Variants in ADAM22 observed in about 807,000 individuals in gnomAD.
ADAM22 encodes the protein ADAM metallopeptidase domain 22, also known as disintegrin and metalloproteinase domain-containing protein 22.
A neutral mutation model predicts 144.6 loss-of-function variants in ADAM22; 65 were observed. That is an observed-to-expected ratio of 0.45 (90% CI 0.37 to 0.55). ADAM22 has a LOEUF of 0.55. Among genes scored for constraint, ADAM22 ranks in the 20% least tolerant of loss-of-function variants. The pLI is 0.00. For missense variants in ADAM22, 974 were observed against 1,184.9 expected, an observed-to-expected ratio of 0.82 and a Z score of 2.61; for synonymous variants, 391 against 412.6, an observed-to-expected ratio of 0.95 and a Z score of 0.63.
chr7:88,113,718 A>ATATT (rs1563245973), intron 5 of ADAM22, among the ~76,000 whole-genome samples: 4 of 114,104 alleles, frequency 3.5e-5, no homozygotes, highest in African/African-American at 1.4e-4. Flanking sequence ...ATATATATAT[A>ATATT]TATATATATA....
In ADAM22 at chr7:88,111,905, A is replaced by G. The variant is rs1826150431; in HGVS notation, c.474-2679A>G. The stretch of plus-strand genomic sequence containing the variant: ...CTGTTGTCTTCATATTGCCTACATG[A>G]TGTTTAAGTCCAATAAAAAAATGAC... On this transcript the variant is annotated intron_variant, in intron 5 of 31. Coordinates refer to ENST00000413139, the MANE Select transcript of ADAM22 (RefSeq NM_001324418.2). Among the ~76,000 whole-genome samples the G allele has an allele frequency of 2.0e-5, 3 of 152,348 alleles. No homozygotes were observed. In the South Asian group the frequency reaches 6.2e-4, roughly 32 times the overall value.
intron 2 of ADAM22, among the ~76,000 whole-genome samples, chr7:87,942,363 G>A (rs938988441): frequency 6.6e-6 from 1 of 152,136 alleles, no homozygotes; most frequent in African/African-American, 2.4e-5. Flanking sequence ...TGTGTGACAG[G>A]TAATACTTAT....
At chr7:88,144,822 G>A (rs1018394091) in intron 15 of ADAM22, among the ~76,000 whole-genome samples, 4 of 151,994 alleles carry the variant, frequency 2.6e-5, no homozygotes, top group African/African-American at 9.7e-5. Flanking sequence ...TGATTTTAGT[G>A]AATGGTTAGA....
At chr7:88,031,801 A>C (rs1296461935) in intron 3 of ADAM22, among the ~76,000 whole-genome samples, 1 of 152,226 alleles carries the variant, frequency 6.6e-6, no homozygotes, top group African/African-American at 2.4e-5. Context: ...ACTGCCCTGC[A>C]CAACCTCAGG....
At chr7:88,151,780 T>C (rs1838470078) in intron 20 of ADAM22, among the ~76,000 whole-genome samples, 1 of 152,194 alleles carries the variant, frequency 6.6e-6, no homozygotes, top group African/African-American at 2.4e-5. Context: ...TAAACTCTAG[T>C]TGGCTTTCCT....
intron 2 of ADAM22, among the ~76,000 whole-genome samples, chr7:87,962,230 C>T (rs1848156975): frequency 6.6e-6 from 1 of 152,186 alleles, no homozygotes; most frequent in African/African-American, 2.4e-5. Context: ...TGAAAGCAAC[C>T]TTTATTATGT....
At chr7:88,059,701 T>C (rs1315650336) in intron 3 of ADAM22, among the ~76,000 whole-genome samples, 1 of 152,212 alleles carries the variant, frequency 6.6e-6, no homozygotes, top group Non-Finnish European at 1.5e-5. Flanking sequence ...AATGAAATCA[T>C]GTCTTTTGCA....
intron 7 of ADAM22, 37 bp downstream of exon 7, chr7:88,116,851 C>T: frequency 3.4e-6 from 5 of 1,451,546 alleles, no homozygotes; most frequent in Non-Finnish European, 4.8e-6. Flanking sequence ...ATCTAAAAGA[C>T]AACTTCAGTA....
At chr7:88,109,402 G>A (rs536113489) in intron 5 of ADAM22, among the ~76,000 whole-genome samples, 4 of 152,216 alleles carry the variant, frequency 2.6e-5, no homozygotes, top group South Asian at 4.1e-4. Flanking sequence ...TAAAGCTACC[G>A]TGTCATTCCT....
intron 13 of ADAM22, among the ~76,000 whole-genome samples, chr7:88,134,830 A>C (rs1438261703): frequency 6.6e-6 from 1 of 152,096 alleles, no homozygotes; most frequent in Non-Finnish European, 1.5e-5. Flanking sequence ...AGACCTGATA[A>C]AAAGCTTAGT....
At chr7:88,127,330 A>C (rs1830654353) in intron 8 of ADAM22, among the ~76,000 whole-genome samples, 1 of 152,016 alleles carries the variant, frequency 6.6e-6, no homozygotes, top group Non-Finnish European at 1.5e-5. Context: ...ATGGACCCAT[A>C]GAGGTGAAGT....
intron 4 of ADAM22, among the ~76,000 whole-genome samples, chr7:88,087,816 T>C (rs1818814697): frequency 6.6e-6 from 1 of 152,242 alleles, no homozygotes; most frequent in Non-Finnish European, 1.5e-5. Flanking sequence ...ATTAGATTCC[T>C]AATCCTTAAC....
intron 7 of ADAM22, among the ~76,000 whole-genome samples, chr7:88,120,301 A>G (rs1828943503): frequency 6.6e-6 from 1 of 152,000 alleles, no homozygotes; most frequent in Non-Finnish European, 1.5e-5. Flanking sequence ...TACATTAGTT[A>G]TATCTCCTAA....
At chr7:88,115,915 C>T (rs1463465942) in intron 6 of ADAM22, among the ~76,000 whole-genome samples, 1 of 152,178 alleles carries the variant, frequency 6.6e-6, no homozygotes, top group Non-Finnish European at 1.5e-5. Context: ...TTATAGACTA[C>T]ACAGAAACAT....
chr7:88,160,674 A>G (rs1009091480), intron 22 of ADAM22, among the ~76,000 whole-genome samples: 2 of 152,186 alleles, frequency 1.3e-5, no homozygotes, highest in African/African-American at 4.8e-5. Flanking sequence ...ACGTATGTTT[A>G]TTGCGGCACT....
chr7:87,962,758 A>G (rs1848268861), intron 2 of ADAM22, among the ~76,000 whole-genome samples: 1 of 152,080 alleles, frequency 6.6e-6, no homozygotes, highest in Admixed American at 6.6e-5. Context: ...CGTTCTGTGC[A>G]TCTTACATGT....
At chr7:88,003,740 G>A (rs544181999) in intron 3 of ADAM22, among the ~76,000 whole-genome samples, 55 of 152,126 alleles carry the variant, frequency 3.6e-4, no homozygotes, top group Admixed American at 3.0e-3. Context: ...CTGTTGAATG[G>A]CAACTGGTAT....
Position 88,043,378 on chromosome 7 carries a change from G to A in ADAM22, c.324-32248G>A, listed in dbSNP as rs561066004. On this transcript the variant is annotated intron_variant, in intron 3 of 31. Transcript: ENST00000413139. ...CGGGCACCTGTAGTCCCAGCTACTCGGGAGGCTGAGGCAGGAGAATGGTGT... is the reference window on the plus strand; with the variant it reads ...CGGGCACCTGTAGTCCCAGCTACTCAGGAGGCTGAGGCAGGAGAATGGTGT... Among the ~76,000 whole-genome samples the A allele has an allele frequency of 5.9e-5, 9 of 151,888 alleles. No individual in the cohort carries two copies. The South Asian group carries it at 8.4e-4, about 14-fold the overall frequency.
chr7:87,958,598 A>G (rs1459455118), intron 2 of ADAM22, among the ~76,000 whole-genome samples: 6 of 151,846 alleles, frequency 4.0e-5, no homozygotes, highest in African/African-American at 4.8e-5. Flanking sequence ...GTTGGCCAGG[A>G]TGGTCTCAAT....
Sources: allele counts gnomAD v4.1 joint callset (sites outside exome capture counted in the v4.1 genomes callset), GRCh38; gene constraint gnomAD v4.1.1; transcripts MANE v1.5; gene names NCBI Gene and HGNC (gene_info 2026-07-23, HGNC 2026-07-21).